The following SNTG1 variants were observed in gnomAD, a reference collection of about 807,000 sequenced individuals.
The protein encoded by SNTG1 is syntrophin gamma 1.
SNTG1 carries 39 observed loss-of-function variants against 74.7 expected under a neutral mutation model. The ratio of observed to expected loss-of-function variants is 0.52; its 90% confidence interval spans 0.40 to 0.68. The LOEUF (loss-of-function observed/expected upper bound fraction) is 0.68, where lower values mean the gene tolerates loss of function less well. SNTG1 is among the 30% of genes least tolerant of loss of function. The pLI, the probability that SNTG1 is intolerant of heterozygous loss-of-function variation, is 0.00. For synonymous variants in SNTG1, 254 were observed against 217.1 expected (o/e 1.17, Z -1.49); for missense variants, 685 against 609.5 (o/e 1.12, Z -1.30).
chr8:50,453,820 A>G (rs1475707956), intron 8 of SNTG1, among the ~76,000 whole-genome samples: 1 of 151,664 alleles, frequency 6.6e-6, no homozygotes, highest in Non-Finnish European at 1.5e-5. Context: ...AGGAGCCATG[A>G]TGGGCCCTGG....
chr8:50,339,648 T>A (rs2130927880), intron 2 of SNTG1, among the ~76,000 whole-genome samples: 1 of 151,872 alleles, frequency 6.6e-6, no homozygotes, highest in South Asian at 2.1e-4. Flanking sequence ...ATAAATAAAA[T>A]TGATATACTA....
intron 13 of SNTG1, among the ~76,000 whole-genome samples, chr8:50,652,851 T>A (rs182061846): frequency 3.0e-3 from 452 of 151,940 alleles, no homozygotes; most frequent in Non-Finnish European, 4.5e-3. Context: ...AGGTATGTTA[T>A]CAGATATAAA....
In SNTG1 at chr8:50,120,074, C is replaced by G. The variant is rs1255782158; in HGVS notation, c.-102-52487C>G. ...GTTAAAAATGTAGCTTTGCCATTTA[C>G]CTTGGACACATTGCATAACATCTGT... On this transcript the variant is annotated intron_variant, in intron 1 of 18. Coordinates refer to ENST00000642720, the MANE Select transcript of SNTG1 (RefSeq NM_018967.5). 2.1e-5 allele frequency among the ~76,000 whole-genome samples: 3 copies of G among 141,572 alleles called. 1 individual carries two copies. Among genetic ancestry groups the G allele is most frequent in the Non-Finnish European group, 4.7e-5 (3 of 63,552 alleles). 92.9% of individuals were successfully genotyped at this position (141,572 alleles called of 152,430 possible). A position where few individuals can be genotyped will look rare whatever the true frequency, so the allele number is the denominator to read the frequency against.
At chr8:50,698,814 G>A (rs1461153683) in intron 15 of SNTG1, among the ~76,000 whole-genome samples, 3 of 152,008 alleles carry the variant, frequency 2.0e-5, no homozygotes, top group African/African-American at 7.3e-5. Context: ...AAAAGTCATG[G>A]TGCTCTACCG....
At position 50,153,869 on chromosome 8, in the gene SNTG1, G is replaced by C. The variant is rs1226803089; in HGVS notation, c.-102-18692G>C. 3.3e-5 allele frequency among the ~76,000 whole-genome samples: 5 copies of C among 152,302 alleles called. No individual in the cohort carries two copies. In the South Asian group the frequency reaches 1.0e-3, roughly 32 times the overall value. On this transcript the variant is annotated intron_variant, in intron 1 of 18. Transcript: ENST00000642720. ...GGGAGTCAGGGACCCACTTGAGGAGGCAGTCTGTCTGTTCTCAGATATCGA... is the reference window on the plus strand; with the variant it reads ...GGGAGTCAGGGACCCACTTGAGGAGCCAGTCTGTCTGTTCTCAGATATCGA...
intron 2 of SNTG1, among the ~76,000 whole-genome samples, chr8:50,338,177 T>G (rs994223551): frequency 5.3e-5 from 8 of 152,028 alleles, no homozygotes; most frequent in African/African-American, 1.9e-4. Context: ...AAATAAGTAT[T>G]TTTTGAGTTT....
chr8:50,235,436 ACAT>A (rs1261156410), intron 2 of SNTG1, among the ~76,000 whole-genome samples: 35 of 152,284 alleles, frequency 2.3e-4, no homozygotes, highest in African/African-American at 7.9e-4. Flanking sequence ...ATCCTGCAAA[ACAT>A]CATGTTGTAC....
intron 9 of SNTG1, among the ~76,000 whole-genome samples, chr8:50,526,544 G>T (rs1479836353): frequency 6.6e-6 from 1 of 152,090 alleles, no homozygotes; most frequent in Admixed American, 6.6e-5. Flanking sequence ...TCTATGGGAA[G>T]CAAGGTCTGA....
intron 1 of SNTG1, among the ~76,000 whole-genome samples, chr8:50,148,774 C>T (rs2081963421): frequency 6.6e-6 from 1 of 152,150 alleles, no homozygotes; most frequent in South Asian, 2.1e-4. Flanking sequence ...CTATATGTGC[C>T]ACATTTTCTT....
chr8:50,002,505 C>A (rs1206328344), intron 1 of SNTG1, among the ~76,000 whole-genome samples: 1 of 152,036 alleles, frequency 6.6e-6, no homozygotes, highest in Non-Finnish European at 1.5e-5. Flanking sequence ...ACAATAAAAA[C>A]AATAAGCACA....
intron 15 of SNTG1, among the ~76,000 whole-genome samples, chr8:50,676,430 G>A (rs2095309877): frequency 6.6e-6 from 1 of 151,926 alleles, no homozygotes; most frequent in Non-Finnish European, 1.5e-5. Context: ...TGATGCTTGT[G>A]TATGCTTCAC....
intron 9 of SNTG1, among the ~76,000 whole-genome samples, chr8:50,525,150 A>G (rs2094209990): frequency 6.6e-6 from 1 of 152,086 alleles, no homozygotes; most frequent in African/African-American, 2.4e-5. Flanking sequence ...TGGGTATGGT[A>G]TTCTAGATTG....
At chr8:50,248,015 C>G (rs1289592715) in intron 2 of SNTG1, among the ~76,000 whole-genome samples, 4 of 152,074 alleles carry the variant, frequency 2.6e-5, no homozygotes, top group Non-Finnish European at 4.4e-5. Context: ...TCGTCTTCTC[C>G]CTGTGTCTCT....
chr8:50,483,811 CT>C (rs1193096744), intron 8 of SNTG1, among the ~76,000 whole-genome samples: 1 of 152,114 alleles, frequency 6.6e-6, no homozygotes, highest in Non-Finnish European at 1.5e-5. Context: ...TTTTTCAGAT[CT>C]TGATAATTCT....
intron 10 of SNTG1, among the ~76,000 whole-genome samples, chr8:50,535,569 CT>C (rs1266190611): frequency 6.6e-6 from 1 of 152,210 alleles, no homozygotes; most frequent in Non-Finnish European, 1.5e-5. Flanking sequence ...GTAGGGACCC[CT>C]CACTAAGTGA....
chr8:50,305,884 A>G (rs1049899637), intron 2 of SNTG1, among the ~76,000 whole-genome samples: 3 of 141,324 alleles, frequency 2.1e-5, no homozygotes, highest in Admixed American at 7.7e-5. Context: ...GTTATACAGC[A>G]TCCTGTGTTA....
intron 2 of SNTG1, among the ~76,000 whole-genome samples, chr8:50,268,894 A>G (rs1330846772): frequency 1.3e-5 from 2 of 152,100 alleles, no homozygotes; most frequent in African/African-American, 2.4e-5. Flanking sequence ...CCTGGCCTCA[A>G]GTGATATGTC....
rs569083552 is a variant in SNTG1 at position 50,711,248 on chromosome 8, T to C, written c.1284+2270T>C. On this transcript the variant is annotated intron_variant, in intron 17 of 18. Coordinates refer to ENST00000642720, the MANE Select transcript of SNTG1 (RefSeq NM_018967.5). Reference sequence around the variant, plus strand: ...ATTAAAATAAATAATATCTAGTTATTTTCTATCTATTTTTTCTAAGTAATA... The same window carrying C: ...ATTAAAATAAATAATATCTAGTTATCTTCTATCTATTTTTTCTAAGTAATA... 2.6e-5 allele frequency among the ~76,000 whole-genome samples: 4 copies of C among 152,312 alleles called. No homozygotes were observed. The East Asian group carries it at 7.7e-4, about 29-fold the overall frequency.
chr8:50,752,438 T>C (rs7844271), intron 18 of SNTG1, among the ~76,000 whole-genome samples: 5,820 of 152,056 alleles, frequency 0.038, 290 homozygotes, highest in East Asian at 0.11. Flanking sequence ...TAATTTAAAA[T>C]ACTTTGTAAA....
Sources: allele counts gnomAD v4.1 joint callset (sites outside exome capture counted in the v4.1 genomes callset), GRCh38; gene constraint gnomAD v4.1.1; transcripts MANE v1.5; gene names NCBI Gene and HGNC (gene_info 2026-07-23, HGNC 2026-07-21).